MAML3: variants seen among roughly 807,000 people sequenced by gnomAD.
MAML3 encodes the protein mastermind-like protein 3.
In MAML3, 27 loss-of-function variants were observed where a neutral mutation model predicts 101.9. The ratio of observed to expected loss-of-function variants is 0.27; its 90% confidence interval spans 0.20 to 0.37. The LOEUF (loss-of-function observed/expected upper bound fraction) is 0.37. MAML3 is among the 10% of genes least tolerant of loss of function. The pLI is 1.00. For missense variants in MAML3, 1,316 were observed against 1,444.9 expected (o/e 0.91, Z 1.45); for synonymous variants, 501 against 555.9 (o/e 0.90, Z 1.39).
chr4:140,054,667 ATC>A (rs1727323060), intron 1 of MAML3, among the ~76,000 whole-genome samples: 1 of 152,180 alleles, frequency 6.6e-6, no homozygotes, highest in South Asian at 2.1e-4. Flanking sequence ...GTATGGGGAA[ATC>A]TTCAGTCATC....
intron 1 of MAML3, among the ~76,000 whole-genome samples, chr4:140,058,015 A>G (rs1727381382): frequency 6.6e-6 from 1 of 151,766 alleles, no homozygotes; most frequent in South Asian, 2.1e-4. Flanking sequence ...GGTTGATGAA[A>G]GACCTCTGAT....
chr4:139,790,242 T>TATATAA (rs1491569003), intron 2 of MAML3, among the ~76,000 whole-genome samples: 12 of 140,500 alleles, frequency 8.5e-5, no homozygotes, highest in East Asian at 6.1e-4. Flanking sequence ...TATATATATA[T>TATATAA]AAATAAATAT....
At chr4:139,820,953 A>T (rs1422985457) in intron 2 of MAML3, among the ~76,000 whole-genome samples, 1 of 152,228 alleles carries the variant, frequency 6.6e-6, no homozygotes, top group African/African-American at 2.4e-5. Context: ...AGCTCTCCAC[A>T]TACTGCTAAA....
At chr4:139,922,561 C>T (rs1200042050) in intron 1 of MAML3, among the ~76,000 whole-genome samples, 1 of 152,178 alleles carries the variant, frequency 6.6e-6, no homozygotes, top group Non-Finnish European at 1.5e-5. Context: ...ATTTATTTCT[C>T]ACCCAAGAAG....
chr4:140,080,044 T>C (rs1034439652), intron 1 of MAML3, among the ~76,000 whole-genome samples: 3 of 152,342 alleles, frequency 2.0e-5, no homozygotes, highest in Admixed American at 6.5e-5. Flanking sequence ...AAAAATACGA[T>C]ACTCCCTTGA....
chr4:139,775,118 G>T (rs1730067681), intron 2 of MAML3, among the ~76,000 whole-genome samples: 1 of 152,146 alleles, frequency 6.6e-6, no homozygotes, highest in Non-Finnish European at 1.5e-5. Flanking sequence ...TGGCTGCATG[G>T]TATATGATTC....
intron 2 of MAML3, among the ~76,000 whole-genome samples, chr4:139,850,481 A>T (rs1731528703): frequency 6.6e-6 from 1 of 152,156 alleles, no homozygotes; most frequent in Non-Finnish European, 1.5e-5. Flanking sequence ...AGCCCATGAG[A>T]TAAGCTAGGT....
Position 139,772,358 on chromosome 4 carries a change from T to C in MAML3, c.2080-41691A>G, listed in dbSNP as rs558103836. 1.8e-4 allele frequency among the ~76,000 whole-genome samples: 27 copies of C among 151,708 alleles called. No homozygotes were observed. The South Asian group carries it at 5.4e-3, about 30-fold the overall frequency. On this transcript the variant is annotated intron_variant, in intron 2 of 4. Transcript: ENST00000509479. Reference sequence around the variant, plus strand: ...TTGTCTTTTTGTTTGTTAGTTTTTTTGAGACAGAATTTTGCTCTTGTTGCT... The same window carrying C: ...TTGTCTTTTTGTTTGTTAGTTTTTTCGAGACAGAATTTTGCTCTTGTTGCT...
intron 2 of MAML3, among the ~76,000 whole-genome samples, chr4:139,770,803 G>T (rs1005743129): frequency 2.6e-5 from 4 of 152,174 alleles, no homozygotes; most frequent in African/African-American, 4.8e-5. Flanking sequence ...ATCAGAGAAA[G>T]TTTCTCTTGA....
At chr4:140,052,305 G>A (rs765979457) in intron 1 of MAML3, among the ~76,000 whole-genome samples, 5 of 151,948 alleles carry the variant, frequency 3.3e-5, no homozygotes, top group African/African-American at 1.2e-4. Flanking sequence ...GAGCCACTGC[G>A]GGGTAGCCAG....
chr4:140,002,043 CTT>C (rs1734933884), intron 1 of MAML3, among the ~76,000 whole-genome samples: 1 of 112,856 alleles, frequency 8.9e-6, no homozygotes, highest in Non-Finnish European at 1.9e-5. Context: ...ACCTCACACA[CTT>C]ATCATTTTTT....
In MAML3 at chr4:139,719,443, G is replaced by T. The variant is rs755325160; in HGVS notation, c.3297C>A (p.Asp1099Glu). ...GGCCAGGGAAGGAACCCCCAGCTCC[G>T]TCGCCACTGTAATTGTATGACACGT... The part of the protein sequence containing the change: ...PQDVSYNYSG[D>E]GAGGSFPGLP... The change falls in exon 5 of 5, where the codon GAC becomes GAA. Residue 1099 changes from aspartate to glutamate, a missense_variant. Physicochemically the swap from Asp to Glu is conservative, Grantham distance 45. Coordinates refer to ENST00000509479, the MANE Select transcript of MAML3 (RefSeq NM_018717.5). 9 of 1,613,888 alleles carry T rather than the reference G, an allele frequency of 5.6e-6. No homozygotes were observed. The Admixed American group carries it at 1.3e-4, about 24-fold the overall frequency.
At chr4:140,010,142 G>A (rs1045339751) in intron 1 of MAML3, among the ~76,000 whole-genome samples, 4 of 152,124 alleles carry the variant, frequency 2.6e-5, no homozygotes, top group South Asian at 2.1e-4. Context: ...AAAGAAAAAC[G>A]TCATTCTTGA....
chr4:139,818,649 C>T lies in MAML3; in HGVS notation c.2079+70708G>A, dbSNP rs572362572. 4.6e-5 allele frequency among the ~76,000 whole-genome samples: 7 copies of T among 152,272 alleles called. No individual in the cohort carries two copies. The South Asian group carries it at 1.2e-3, about 27-fold the overall frequency. Reference sequence around the variant, plus strand: ...TGGAGAAAAATTGTCATTGTCAGAACGAAGGAAGTTGTTACAAAAGACACT... The same window carrying T: ...TGGAGAAAAATTGTCATTGTCAGAATGAAGGAAGTTGTTACAAAAGACACT... On this transcript the variant is annotated intron_variant, in intron 2 of 4. Transcript: ENST00000509479.
intron 1 of MAML3, among the ~76,000 whole-genome samples, chr4:139,942,634 T>A (rs1330415163): frequency 6.8e-6 from 1 of 147,266 alleles, no homozygotes; most frequent in Non-Finnish European, 1.5e-5. Context: ...TTTCATTACT[T>A]TTTTTTTTTT....
chr4:139,856,468 T>C (rs1238610860), intron 2 of MAML3, among the ~76,000 whole-genome samples: 2 of 152,194 alleles, frequency 1.3e-5, no homozygotes, highest in Non-Finnish European at 2.9e-5. Context: ...AGCAGTTTTC[T>C]GGATGGAGAT....
intron 2 of MAML3, among the ~76,000 whole-genome samples, chr4:139,775,722 T>G (rs1333255154): frequency 6.6e-6 from 1 of 152,206 alleles, no homozygotes; most frequent in Non-Finnish European, 1.5e-5. Flanking sequence ...GTTGTTTCTA[T>G]CTTTCCGGTA....
At chr4:139,938,097 G>T (rs1203976704) in intron 1 of MAML3, among the ~76,000 whole-genome samples, 2 of 152,128 alleles carry the variant, frequency 1.3e-5, no homozygotes, top group African/African-American at 2.4e-5. Context: ...TCCCTACTAA[G>T]TCTGGGCACC....
chr4:139,994,783 G>GA (rs1161141376), intron 1 of MAML3, among the ~76,000 whole-genome samples: 5 of 149,638 alleles, frequency 3.3e-5, no homozygotes, highest in Admixed American at 3.3e-4. Flanking sequence ...GGTGCTGGTG[G>GA]GGGGTGTGTG....
Sources: allele counts gnomAD v4.1 joint callset (sites outside exome capture counted in the v4.1 genomes callset), GRCh38; gene constraint gnomAD v4.1.1; transcripts MANE v1.5; gene names NCBI Gene and HGNC (gene_info 2026-07-23, HGNC 2026-07-21).